The following SEMA5B variants were observed in gnomAD, a reference collection of about 807,000 sequenced individuals.
The protein encoded by SEMA5B is semaphorin 5B, also known as semaphorin-5B.
In SEMA5B, 66 loss-of-function variants were observed where a neutral mutation model predicts 135.0. The observed-to-expected ratio is 0.49, with a 90% CI of 0.40 to 0.60. The LOEUF is 0.60. SEMA5B is among the 20% of genes least tolerant of loss of function. The probability of loss-of-function intolerance (pLI) is 0.00; values close to 1 mark genes in which losing one functional copy is unlikely to be tolerated. For missense variants in SEMA5B, 1,501 were observed against 1,566.3 expected (o/e 0.96, Z 0.70); for synonymous variants, 690 against 639.5 (o/e 1.08, Z -1.19).
chr3:122,940,853 T>C (rs891707196), intron 4 of SEMA5B, among the ~76,000 whole-genome samples: 5 of 152,190 alleles, frequency 3.3e-5, no homozygotes, highest in African/African-American at 1.2e-4. Flanking sequence ...CCTCCTGGCC[T>C]GGGAACAGAT....
chr3:122,945,898 C>T (rs563780614), intron 3 of SEMA5B, among the ~76,000 whole-genome samples: 5 of 151,956 alleles, frequency 3.3e-5, no homozygotes, highest in African/African-American at 1.2e-4. Context: ...TAGCCCTCAC[C>T]CACATGGGCA....
intron 1 of SEMA5B, among the ~76,000 whole-genome samples, chr3:122,984,663 A>G (rs1171952548): frequency 6.6e-6 from 1 of 152,192 alleles, no homozygotes; most frequent in Non-Finnish European, 1.5e-5. Context: ...TAGAAGCCCA[A>G]TCCCCACCAG....
intron 8 of SEMA5B, 151 bp from the exon 9 acceptor site, chr3:122,926,828 T>A: frequency 2.5e-6 from 2 of 807,578 alleles, no homozygotes; most frequent in Non-Finnish European, 3.9e-6. Flanking sequence ...CCTAACTAAC[T>A]CTCTTCCCAC....
At chr3:122,939,950 C>T (rs1560330965) in intron 4 of SEMA5B, among the ~76,000 whole-genome samples, 1 of 152,184 alleles carries the variant, frequency 6.6e-6, no homozygotes, top group Non-Finnish European at 1.5e-5. Context: ...AGCCATCTCT[C>T]CTGGCTCCAC....
intron 1 of SEMA5B, among the ~76,000 whole-genome samples, chr3:122,987,240 G>A (rs1035237121): frequency 3.9e-5 from 6 of 152,138 alleles, no homozygotes; most frequent in African/African-American, 1.4e-4. Context: ...GTGGAGGGGG[G>A]AATCTACTAA....
intron 1 of SEMA5B, among the ~76,000 whole-genome samples, chr3:122,992,606 C>T (rs1941912239): frequency 6.6e-6 from 1 of 152,134 alleles, no homozygotes; most frequent in Non-Finnish European, 1.5e-5. Flanking sequence ...TCCCTGATGC[C>T]CCACCTCCTC....
intron 12 of SEMA5B, among the ~76,000 whole-genome samples, chr3:122,918,555 C>T (rs574495800): frequency 1.3e-5 from 2 of 152,336 alleles, no homozygotes; most frequent in South Asian, 4.1e-4. Context: ...TCTTTCCAAA[C>T]CATGGCAGAA....
intron 12 of SEMA5B, among the ~76,000 whole-genome samples, chr3:122,921,058 C>A (rs957950928): frequency 8.5e-5 from 13 of 152,146 alleles, no homozygotes; most frequent in Non-Finnish European, 1.5e-5. Context: ...CTCTGCCCAG[C>A]TCCGAGCACA....
At chr3:122,982,946 C>A (rs1411506071) in intron 1 of SEMA5B, among the ~76,000 whole-genome samples, 1 of 152,208 alleles carries the variant, frequency 6.6e-6, no homozygotes, top group Non-Finnish European at 1.5e-5. Context: ...TCGAGAGTCA[C>A]TCTCTCCGAC....
intron 1 of SEMA5B, among the ~76,000 whole-genome samples, chr3:123,026,768 A>G (rs1028920022): frequency 6.6e-6 from 1 of 152,176 alleles, no homozygotes; most frequent in Non-Finnish European, 1.5e-5. Context: ...AGAAACATAA[A>G]TCGGGAAATC....
At chr3:123,010,596 G>A (rs1942416020) in intron 1 of SEMA5B, among the ~76,000 whole-genome samples, 1 of 152,024 alleles carries the variant, frequency 6.6e-6, no homozygotes, top group South Asian at 2.1e-4. Flanking sequence ...AGATCACAAG[G>A]TCAAGACATG....
intron 1 of SEMA5B, among the ~76,000 whole-genome samples, chr3:122,962,569 C>T (rs572562472): frequency 1.6e-4 from 24 of 152,316 alleles, no homozygotes; most frequent in Middle Eastern, 3.4e-3. Context: ...TCATCAACAC[C>T]GGCACACAAG....
intron 5 of SEMA5B, among the ~76,000 whole-genome samples, chr3:122,935,686 CTTTTTTTTTTT>C (rs147968317): frequency 2.0e-4 from 14 of 70,264 alleles, no homozygotes; most frequent in African/African-American, 6.2e-4. Flanking sequence ...TTCTTTCTTT[CTTTTTTTTTTT>C]TTTTTTTTTT....
chr3:123,018,049 G>C (rs1302650930), intron 1 of SEMA5B, among the ~76,000 whole-genome samples: 1 of 152,190 alleles, frequency 6.6e-6, no homozygotes, highest in African/African-American at 2.4e-5. Context: ...CTAATGCCAC[G>C]AGTCAGGGGC....
At chr3:122,922,478 C>CG in intron 10 of SEMA5B, 31 bp from the exon 11 acceptor site, 1 of 1,553,022 alleles carries the variant, frequency 6.4e-7, no homozygotes, top group Non-Finnish European at 8.7e-7. Context: ...ACGCGCGCCC[C>CG]GGCCACCAGG....
At chr3:122,988,103 G>A (rs1297088135) in intron 1 of SEMA5B, among the ~76,000 whole-genome samples, 3 of 152,254 alleles carry the variant, frequency 2.0e-5, no homozygotes, top group African/African-American at 7.2e-5. Context: ...CAGCCACAGA[G>A]ATCCTGATTC....
chr3:122,976,186 T>C (rs1941314949), intron 1 of SEMA5B: 3 of 1,514,142 alleles, frequency 2.0e-6, no homozygotes, highest in Non-Finnish European at 2.6e-6. Context: ...CAAGAAGTGC[T>C]TCTCAAAATG....
At chr3:122,917,555 G>C (rs1413218418) in intron 12 of SEMA5B, among the ~76,000 whole-genome samples, 1 of 152,126 alleles carries the variant, frequency 6.6e-6, no homozygotes. Flanking sequence ...GATCATGTCA[G>C]GCCCCAGAGA....
At chr3:122,931,641 T>G (rs754668814) in intron 5 of SEMA5B, among the ~76,000 whole-genome samples, 11 of 152,236 alleles carry the variant, frequency 7.2e-5, no homozygotes, top group Non-Finnish European at 1.5e-4. Context: ...CTGAATCACT[T>G]TTTAGAGTTG....
Sources: allele counts gnomAD v4.1 joint callset (sites outside exome capture counted in the v4.1 genomes callset), GRCh38; gene constraint gnomAD v4.1.1; transcripts MANE v1.5; gene names NCBI Gene and HGNC (gene_info 2026-07-23, HGNC 2026-07-21).